Variants in PELI2 observed in about 807,000 individuals in gnomAD.
PELI2 encodes the protein pellino E3 ubiquitin protein ligase family member 2, also known as E3 ubiquitin-protein ligase pellino homolog 2.
Under a neutral mutation model 42.3 loss-of-function variants are expected in PELI2, and 23 were observed. The ratio of observed to expected loss-of-function variants is 0.54; its 90% confidence interval spans 0.39 to 0.77. PELI2 has a LOEUF of 0.77. Ranked by LOEUF, PELI2 falls within the 30% of genes least tolerant of loss-of-function variation. The pLI, the probability that PELI2 is intolerant of heterozygous loss-of-function variation, is 0.00. For synonymous variants in PELI2, 245 were observed against 212.2 expected, an observed-to-expected ratio of 1.15 and a Z score of -1.34; for missense variants, 463 against 553.2, an observed-to-expected ratio of 0.84 and a Z score of 1.64.
chr14:56,246,167 C>T (rs1163161951), intron 2 of PELI2, among the ~76,000 whole-genome samples: 6 of 152,196 alleles, frequency 3.9e-5, no homozygotes, highest in Admixed American at 3.9e-4. Flanking sequence ...TCTCCATGTA[C>T]TTTCTCTCAT....
intron 3 of PELI2, among the ~76,000 whole-genome samples, chr14:56,283,696 G>C (rs899408551): frequency 6.6e-6 from 1 of 152,218 alleles, no homozygotes; most frequent in African/African-American, 2.4e-5. Flanking sequence ...GCAGAGCTAA[G>C]ATTTAGGTCA....
rs372357968 is a variant in PELI2, at chr14:56,179,035, A to T, written c.207+571A>T. Among the ~76,000 whole-genome samples, 22 of 152,200 alleles carry T rather than the reference A, an allele frequency of 1.4e-4. No individual in the cohort carries two copies. In the East Asian group the frequency reaches 3.1e-3, roughly 21 times the overall value. On this transcript the variant is annotated intron_variant, in intron 2 of 5. Coordinates refer to ENST00000267460, the MANE Select transcript of PELI2 (RefSeq NM_021255.3). ...GTGATAAAAGAGGCCGACTATACATATTTTTTTCTCATAATTTTGAAGTGA... is the reference window on the plus strand; with the variant it reads ...GTGATAAAAGAGGCCGACTATACATTTTTTTTTCTCATAATTTTGAAGTGA...
At chr14:56,217,500 C>T (rs1197543038) in intron 2 of PELI2, among the ~76,000 whole-genome samples, 1 of 152,224 alleles carries the variant, frequency 6.6e-6, no homozygotes, top group Admixed American at 6.5e-5. Context: ...GCCAGGGGTC[C>T]ACCAGAGGTC....
At chr14:56,157,993 A>G (rs564752332) in intron 1 of PELI2, among the ~76,000 whole-genome samples, 6 of 152,248 alleles carry the variant, frequency 3.9e-5, no homozygotes, top group South Asian at 2.1e-4. Flanking sequence ...CAATGTTACT[A>G]TGTTACTGTT....
intron 2 of PELI2, among the ~76,000 whole-genome samples, chr14:56,182,168 C>T (rs535625160): frequency 3.3e-5 from 5 of 151,918 alleles, no homozygotes; most frequent in Non-Finnish European, 5.9e-5. Flanking sequence ...GGAAGGACCT[C>T]TAAAAAAGTG....
chr14:56,154,730 C>T (rs1884486284), intron 1 of PELI2, among the ~76,000 whole-genome samples: 1 of 149,020 alleles, frequency 6.7e-6, no homozygotes, highest in South Asian at 2.1e-4. Context: ...GTACATAAAA[C>T]TTGACTTACA....
intron 3 of PELI2, among the ~76,000 whole-genome samples, chr14:56,287,425 TA>T (rs1041423752): frequency 7.2e-5 from 11 of 152,234 alleles, no homozygotes; most frequent in African/African-American, 2.7e-4. Flanking sequence ...ACCCAGTTTT[TA>T]AATGAATCTA....
chr14:56,159,634 A>G (rs1594595685), intron 1 of PELI2, among the ~76,000 whole-genome samples: 1 of 152,300 alleles, frequency 6.6e-6, no homozygotes, highest in Admixed American at 6.5e-5. Context: ...CTGCAGGGCA[A>G]TACTTAAAAA....
intron 2 of PELI2, 50 bp downstream of exon 2, chr14:56,178,514 C>G (rs747988116): frequency 9.4e-6 from 15 of 1,595,942 alleles, no homozygotes; most frequent in Non-Finnish European, 1.2e-5. Flanking sequence ...CAGTGACTCA[C>G]AGATACTCCT....
chr14:56,219,150 AT>A lies in PELI2; in HGVS notation c.207+40695del, dbSNP rs3050314. Reference sequence around the variant, plus strand: ...ATCCTGGTCTCTTAATTCCTTTTTTATTTTTTTTTGGATGACTTGAGGACAA... The same window carrying A: ...ATCCTGGTCTCTTAATTCCTTTTTTATTTTTTTTGGATGACTTGAGGACAA... On this transcript the variant is annotated intron_variant, in intron 2 of 5. Transcript: ENST00000267460. The surrounding 1 kb of genome is among the most constrained non-coding windows in gnomAD (Gnocchi z 4.1). 1.3e-5 allele frequency among the ~76,000 whole-genome samples: 2 copies of A among 150,116 alleles called. No individual in the cohort carries two copies. The highest frequency in any genetic ancestry group is 2.1e-4 in the South Asian group (1 of 4,746).
chr14:56,246,374 A>C (rs936616078), intron 2 of PELI2, among the ~76,000 whole-genome samples: 1 of 152,332 alleles, frequency 6.6e-6, no homozygotes, highest in Admixed American at 6.5e-5. Flanking sequence ...AAACAGAAAA[A>C]GTCAACATTT....
chr14:56,295,375 C>A (rs914331547), intron 5 of PELI2, among the ~76,000 whole-genome samples: 1 of 152,064 alleles, frequency 6.6e-6, no homozygotes, highest in African/African-American at 2.4e-5. Flanking sequence ...TGAACTGCGT[C>A]CATCCTTGTT....
chr14:56,131,330 T>C (rs1043848126), intron 1 of PELI2, among the ~76,000 whole-genome samples: 3 of 152,254 alleles, frequency 2.0e-5, no homozygotes, highest in Admixed American at 2.0e-4. Context: ...TGAACCTTCC[T>C]GTGAGAGCAG....
At chr14:56,148,405 G>A (rs1884213070) in intron 1 of PELI2, among the ~76,000 whole-genome samples, 1 of 152,196 alleles carries the variant, frequency 6.6e-6, no homozygotes, top group Admixed American at 6.5e-5. Context: ...GTTCCATGGT[G>A]TAAAAGGACC....
chr14:56,228,651 T>C (rs1415988311), intron 2 of PELI2, among the ~76,000 whole-genome samples: 1 of 152,212 alleles, frequency 6.6e-6, no homozygotes, highest in Non-Finnish European at 1.5e-5. Context: ...GATGGCTGAA[T>C]AGGAACAGTT....
chr14:56,291,653 A>G (rs1009198622), intron 5 of PELI2, among the ~76,000 whole-genome samples: 3 of 152,218 alleles, frequency 2.0e-5, no homozygotes, highest in Non-Finnish European at 2.9e-5. Context: ...ACTGACCTAG[A>G]TTGGCCAAAC....
chr14:56,225,973 T>G (rs2139759197), intron 2 of PELI2, among the ~76,000 whole-genome samples: 1 of 152,264 alleles, frequency 6.6e-6, no homozygotes, highest in Admixed American at 6.5e-5. Context: ...CAGTCTGGTT[T>G]CAGAATCTGT....
At chr14:56,283,042 C>G (rs773075744) in intron 3 of PELI2, among the ~76,000 whole-genome samples, 26 of 152,244 alleles carry the variant, frequency 1.7e-4, no homozygotes, top group Non-Finnish European at 2.2e-4. Context: ...CAGGTACTCT[C>G]AAAGTGTGAG....
chr14:56,177,353 C>T (rs549452393), intron 1 of PELI2, among the ~76,000 whole-genome samples: 3 of 152,338 alleles, frequency 2.0e-5, no homozygotes, highest in South Asian at 4.1e-4. Flanking sequence ...AACAAGCCAC[C>T]AGGCCTGCTG....
Sources: allele counts gnomAD v4.1 joint callset (sites outside exome capture counted in the v4.1 genomes callset), GRCh38; gene constraint gnomAD v4.1.1; non-coding constraint Gnocchi (gnomAD v3.1); transcripts MANE v1.5; gene names NCBI Gene and HGNC (gene_info 2026-07-23, HGNC 2026-07-21).